The following LRRK1 variants were observed in gnomAD, a reference collection of about 807,000 sequenced individuals.
LRRK1 encodes the protein leucine-rich repeat serine/threonine-protein kinase 1.
A neutral mutation model predicts 209.1 loss-of-function variants in LRRK1; 113 were observed. The ratio of observed to expected loss-of-function variants is 0.54; its 90% confidence interval spans 0.46 to 0.63. The LOEUF (loss-of-function observed/expected upper bound fraction) is 0.63, where lower values mean the gene tolerates loss of function less well. Ranked by LOEUF, LRRK1 falls within the 30% of genes least tolerant of loss-of-function variation. The pLI, the probability that LRRK1 is intolerant of heterozygous loss-of-function variation, is 0.00. For synonymous variants in LRRK1, 1,144 were observed against 1,099.7 expected, an observed-to-expected ratio of 1.04 and a Z score of -0.80; for missense variants, 2,284 against 2,632.2, an observed-to-expected ratio of 0.87 and a Z score of 2.89.
At position 101,069,028 on chromosome 15, in the gene LRRK1, G is replaced by A; in HGVS notation, c.*180G>A. On this transcript the variant is annotated 3_prime_UTR_variant, in exon 34 of 34. Coordinates refer to ENST00000388948, the MANE Select transcript of LRRK1 (RefSeq NM_024652.6). Reference sequence around the variant, plus strand: ...CCTGGCGGTGGCTCCAGGGTTCTCTGGTTCTCTGGAGCAGAGTTCTCTGAA... The same window carrying A: ...CCTGGCGGTGGCTCCAGGGTTCTCTAGTTCTCTGGAGCAGAGTTCTCTGAA... 1 of 550,284 alleles carries A rather than the reference G, an allele frequency of 1.8e-6. No individual in the cohort carries two copies. Among genetic ancestry groups the A allele is most frequent in the East Asian group, 3.2e-5 (1 of 31,554 alleles). 34.1% of individuals were successfully genotyped at this position (550,284 alleles called of 1,614,324 possible).
At chr15:100,961,536 C>A (rs932670958) in intron 2 of LRRK1, among the ~76,000 whole-genome samples, 3 of 151,952 alleles carry the variant, frequency 2.0e-5, no homozygotes, top group African/African-American at 7.3e-5. Flanking sequence ...GCCTGTAATC[C>A]CAGCTACTCG....
chr15:100,957,849 G>A (rs572224342), intron 2 of LRRK1, among the ~76,000 whole-genome samples: 19 of 152,090 alleles, frequency 1.2e-4, no homozygotes, highest in Non-Finnish European at 2.1e-4. Context: ...AATTATTTTC[G>A]GATTGTTCTG....
chr15:100,962,823 ATTT>A lies in LRRK1; in HGVS notation c.98-10966_98-10964del, dbSNP rs1161979293. 4.4e-3 allele frequency among the ~76,000 whole-genome samples: 51 copies of A among 11,544 alleles called. 5 individuals carry two copies. The highest frequency in any genetic ancestry group is 0.022 in the East Asian group (16 of 720). The allele number at this position is 11,544 out of a possible 152,430, so 7.6% of individuals were successfully genotyped here. A position where few individuals can be genotyped will look rare whatever the true frequency, so the allele number is the denominator to read the frequency against. ...TATATATATATATATATATATATAT[ATTT>A]TTTTTTTTTTTTTTGAGATGGAGTT... On this transcript the variant is annotated intron_variant, in intron 2 of 33. Coordinates refer to ENST00000388948, the MANE Select transcript of LRRK1 (RefSeq NM_024652.6).
intron 2 of LRRK1, among the ~76,000 whole-genome samples, chr15:100,951,911 C>A (rs1002445389): frequency 2.0e-5 from 3 of 150,970 alleles, no homozygotes; most frequent in African/African-American, 4.9e-5. Flanking sequence ...TGAGATCGCA[C>A]CATTGCACTC....
At chr15:101,009,994 A>G (rs1164757288) in intron 7 of LRRK1, among the ~76,000 whole-genome samples, 2 of 152,360 alleles carry the variant, frequency 1.3e-5, no homozygotes, top group African/African-American at 2.4e-5. Flanking sequence ...AGAATGTTGG[A>G]AAGAGCTTGG....
At position 100,972,357 on chromosome 15, in the gene LRRK1, AGAGAGAGTGTGTGTGT is replaced by A. The variant is rs1489130527; in HGVS notation, c.98-1445_98-1430del. 3.3e-4 allele frequency among the ~76,000 whole-genome samples: 32 copies of A among 95,972 alleles called. No homozygotes were observed. The East Asian group carries it at 0.013, about 39-fold the overall frequency. The allele number at this position is 95,972 out of a possible 152,430, so 63.0% of individuals were successfully genotyped here. On this transcript the variant is annotated intron_variant, in intron 2 of 33. Transcript: ENST00000388948. ...ATATGAGAGAGAGAGAGAGAGAGAG[AGAGAGAGTGTGTGTGT>A]GTGTGTGTGTGTGTGTGTGTGTGTG... is the stretch of plus-strand genomic sequence containing the variant.
At chr15:100,963,196 A>G (rs1295691085) in intron 2 of LRRK1, among the ~76,000 whole-genome samples, 2 of 151,720 alleles carry the variant, frequency 1.3e-5, no homozygotes, top group Non-Finnish European at 2.9e-5. Flanking sequence ...CCTCTGTCCT[A>G]TGTTCTACTT....
At chr15:100,923,394 TA>T (rs578107651) in intron 1 of LRRK1, among the ~76,000 whole-genome samples, 67 of 152,364 alleles carry the variant, frequency 4.4e-4, no homozygotes, top group African/African-American at 1.3e-3. Context: ...AACCTTGATT[TA>T]AAAAATATAT....
At chr15:100,935,468 A>G (rs2042284450) in intron 2 of LRRK1, among the ~76,000 whole-genome samples, 1 of 152,174 alleles carries the variant, frequency 6.6e-6, no homozygotes, top group Admixed American at 6.5e-5. Flanking sequence ...GAGTGAGAGA[A>G]GCACCAAATG....
At position 101,077,709 on chromosome 15, in the gene LRRK1, T is replaced by C. The variant is rs2037030626; in HGVS notation, c.*8861T>C. ...CTCTAGGTTCCCACGCCGCCCCGAA[T>C]CCCGCTCGAAGCAGCCCTGAGAAAC... On this transcript the variant is annotated 3_prime_UTR_variant, in exon 34 of 34. Transcript: ENST00000388948. 1 of 152,008 alleles carries C rather than the reference T, an allele frequency of 6.6e-6. No homozygotes were observed. Among genetic ancestry groups the C allele is most frequent in the Admixed American group, 6.6e-5 (1 of 15,248 alleles). The allele number at this position is 152,008 out of a possible 1,614,324, so 9.4% of individuals were successfully genotyped here.
In LRRK1 at chr15:101,074,011, G is replaced by A. The variant is rs1031246157; in HGVS notation, c.*5163G>A. 1 of 152,038 alleles carries A rather than the reference G, an allele frequency of 6.6e-6. No individual in the cohort carries two copies. Among genetic ancestry groups the A allele is most frequent in the Non-Finnish European group, 1.5e-5 (1 of 67,994 alleles). 9.4% of individuals were successfully genotyped at this position (152,038 alleles called of 1,614,324 possible). A position where few individuals can be genotyped will look rare whatever the true frequency, so the allele number is the denominator to read the frequency against. ...CTGCAAGATCTAAATAATTCTTGTCGTAAAATGGGCAAATGGTCTGAGGTG... is the reference window on the plus strand; with the variant it reads ...CTGCAAGATCTAAATAATTCTTGTCATAAAATGGGCAAATGGTCTGAGGTG... On this transcript the variant is annotated 3_prime_UTR_variant, in exon 34 of 34. Transcript: ENST00000388948.
intron 30 of LRRK1, chr15:101,062,315 C>T (rs1041349230): frequency 2.6e-6 from 1 of 383,416 alleles, no homozygotes; most frequent in African/African-American, 2.1e-5. Context: ...GAGGCTGTGC[C>T]CCCAGATCCC....
intron 6 of LRRK1, among the ~76,000 whole-genome samples, chr15:100,995,135 C>T (rs532102409): frequency 5.4e-4 from 82 of 152,252 alleles, no homozygotes; most frequent in Middle Eastern, 6.8e-3. Flanking sequence ...CAAGCAGTCA[C>T]GGGCCACGCG....
chr15:100,925,505 C>T (rs75634515), intron 2 of LRRK1, among the ~76,000 whole-genome samples: 1 of 152,284 alleles, frequency 6.6e-6, no homozygotes, highest in East Asian at 1.9e-4. Context: ...CTTCCCATCT[C>T]TTCATACCTG....
In LRRK1 at chr15:100,989,244, C is replaced by A. The variant is rs759362322; in HGVS notation, c.614-6C>A. On this transcript the variant is annotated splice_region_variant and splice_polypyrimidine_tract_variant and intron_variant, in intron 5 of 33. Transcript: ENST00000388948. ...TGCCCTTAGCTTTTTGGTTTTGTTC[C>A]TTTAGGGAATGAAGACATTGCAATA... 1.2e-6 allele frequency: 2 copies of A among 1,613,174 alleles called. No homozygotes were observed. Among genetic ancestry groups the A allele is most frequent in the African/African-American group, 2.7e-5 (2 of 74,894 alleles).
intron 3 of LRRK1, among the ~76,000 whole-genome samples, chr15:100,974,367 G>T (rs2031168484): frequency 6.6e-6 from 1 of 152,184 alleles, no homozygotes; most frequent in African/African-American, 2.4e-5. Context: ...CCAAATTCCT[G>T]ATACACCCTA....
At position 101,068,960 on chromosome 15, in the gene LRRK1, C is replaced by A. The variant is rs2036680331; in HGVS notation, c.*112C>A. Reference sequence around the variant, plus strand: ...GGACCTAGAAGACAGATGGAGTTCTCCCCTGAACTCCTTGCTGCTAAGAAG... The same window carrying A: ...GGACCTAGAAGACAGATGGAGTTCTACCCTGAACTCCTTGCTGCTAAGAAG... On this transcript the variant is annotated 3_prime_UTR_variant, in exon 34 of 34. Coordinates refer to ENST00000388948, the MANE Select transcript of LRRK1 (RefSeq NM_024652.6). The A allele has an allele frequency of 1.9e-6, 2 of 1,026,736 alleles. No individual in the cohort carries two copies. Among genetic ancestry groups the A allele is most frequent in the South Asian group, 1.8e-5 (1 of 54,846 alleles). 63.6% of individuals were successfully genotyped at this position (1,026,736 alleles called of 1,614,324 possible).
At chr15:101,041,244 ATTC>A (rs1252763285) in intron 20 of LRRK1, among the ~76,000 whole-genome samples, 1 of 152,082 alleles carries the variant, frequency 6.6e-6, no homozygotes, top group Non-Finnish European at 1.5e-5. Context: ...TTTTTTCCCT[ATTC>A]TTCTAGTAGC....
At chr15:100,940,799 C>G (rs1292698062) in intron 2 of LRRK1, among the ~76,000 whole-genome samples, 1 of 152,214 alleles carries the variant, frequency 6.6e-6, no homozygotes, top group Non-Finnish European at 1.5e-5. Flanking sequence ...TAAGGATGAA[C>G]AGTTGACAAT....
Sources: allele counts gnomAD v4.1 joint callset (sites outside exome capture counted in the v4.1 genomes callset), GRCh38; gene constraint gnomAD v4.1.1; transcripts MANE v1.5; gene names NCBI Gene and HGNC (gene_info 2026-07-23, HGNC 2026-07-21).